RAD51B: variants seen among roughly 807,000 people sequenced by gnomAD.
The protein encoded by RAD51B is DNA repair protein RAD51 homolog 2.
A neutral mutation model predicts 42.2 loss-of-function variants in RAD51B; 38 were observed. The observed-to-expected ratio is 0.90, with a 90% CI of 0.70 to 1.18. The LOEUF (loss-of-function observed/expected upper bound fraction) is 1.18, where lower values mean the gene tolerates loss of function less well. Ranked by LOEUF, RAD51B falls within the 50% of genes most tolerant of loss-of-function variation. The pLI, the probability that RAD51B is intolerant of heterozygous loss-of-function variation, is 0.00. For synonymous variants in RAD51B, 154 were observed against 145.2 expected, an observed-to-expected ratio of 1.06 and a Z score of -0.43; for missense variants, 373 against 400.7, an observed-to-expected ratio of 0.93 and a Z score of 0.59.
intron 7 of RAD51B, among the ~76,000 whole-genome samples, chr14:67,928,411 T>A (rs2044604017): frequency 6.6e-6 from 1 of 152,154 alleles, no homozygotes; most frequent in Non-Finnish European, 1.5e-5. Context: ...AAACCATGTG[T>A]GCGGTGGCAA....
intron 7 of RAD51B, among the ~76,000 whole-genome samples, chr14:68,203,873 G>A (rs2140930795): frequency 6.6e-6 from 1 of 152,276 alleles, no homozygotes; most frequent in Non-Finnish European, 1.5e-5. Flanking sequence ...CTTTTCTTCT[G>A]CAGCTTTCTG....
At chr14:68,537,366 G>A (rs915484235) in intron 10 of RAD51B, among the ~76,000 whole-genome samples, 1 of 151,934 alleles carries the variant, frequency 6.6e-6, no homozygotes, top group African/African-American at 2.4e-5. Context: ...GGTCGTGGTG[G>A]CGGGCGCCTG....
rs530492312 is a variant in RAD51B at position 68,073,300 on chromosome 14, T to C, written c.756+186096T>C. On this transcript the variant is annotated intron_variant, in intron 7 of 10. Transcript: ENST00000471583. ...TTCCCTTCTTTGTCCTTTTTGATCA[T>C]TGTTGGTTTAAAGTCAGTTTTGTCT... Among the ~76,000 whole-genome samples the C allele has an allele frequency of 2.0e-5, 3 of 152,304 alleles. No homozygotes were observed. The South Asian group carries it at 6.2e-4, about 32-fold the overall frequency.
At chr14:68,471,701 A>AG (rs990130033) in intron 10 of RAD51B, among the ~76,000 whole-genome samples, 1 of 151,564 alleles carries the variant, frequency 6.6e-6, no homozygotes, top group Admixed American at 6.6e-5. Flanking sequence ...TGCAAAAAAA[A>AG]AAAAAAGGAA....
chr14:68,520,050 C>G (rs929931152), intron 10 of RAD51B, among the ~76,000 whole-genome samples: 1 of 152,174 alleles, frequency 6.6e-6, no homozygotes, highest in African/African-American at 2.4e-5. Context: ...GAAAACAGAG[C>G]TAGTTAGTAA....
chr14:67,917,386 C>G (rs2044188844), intron 7 of RAD51B, among the ~76,000 whole-genome samples: 1 of 152,090 alleles, frequency 6.6e-6, no homozygotes, highest in Non-Finnish European at 1.5e-5. Flanking sequence ...AAAGCAAGAG[C>G]AAGAGAGAGA....
chr14:68,594,567 A>C, exon 11 of RAD51B: 1 of 1,317,744 alleles, frequency 7.6e-7, no homozygotes, highest in Non-Finnish European at 1.0e-6. Context: ...AGCAGCTAGG[A>C]CTACAGATGT....
chr14:68,634,606 A>C (rs1360622144), intron 10 of RAD51B, among the ~76,000 whole-genome samples: 1 of 152,000 alleles, frequency 6.6e-6, no homozygotes, highest in Non-Finnish European at 1.5e-5. Flanking sequence ...GAGCCACCGA[A>C]ACCCTCCCAC....
At chr14:68,430,466 C>T (rs1268550210) in intron 9 of RAD51B, among the ~76,000 whole-genome samples, 9 of 152,144 alleles carry the variant, frequency 5.9e-5, no homozygotes, top group Non-Finnish European at 1.3e-4. Flanking sequence ...TCCTTCACAT[C>T]CCTTGGAAGT....
chr14:68,041,694 T>G (rs1240869927), intron 7 of RAD51B, among the ~76,000 whole-genome samples: 2 of 152,200 alleles, frequency 1.3e-5, no homozygotes, highest in African/African-American at 4.8e-5. Context: ...TACAGGCCTA[T>G]AGCTAATTCT....
At chr14:68,517,466 A>G (rs893581746) in intron 10 of RAD51B, among the ~76,000 whole-genome samples, 6 of 152,192 alleles carry the variant, frequency 3.9e-5, no homozygotes, top group African/African-American at 1.4e-4. Flanking sequence ...CAACACAGTG[A>G]AGAAGGCAAA....
intron 7 of RAD51B, among the ~76,000 whole-genome samples, chr14:67,967,723 C>A (rs1315115199): frequency 5.3e-5 from 8 of 152,150 alleles, no homozygotes; most frequent in Non-Finnish European, 1.0e-4. Flanking sequence ...CAGGGTATAG[C>A]TCCCCTCCTG....
chr14:68,046,725 G>C (rs936214416), intron 7 of RAD51B, among the ~76,000 whole-genome samples: 5 of 152,120 alleles, frequency 3.3e-5, no homozygotes, highest in African/African-American at 1.2e-4. Flanking sequence ...GACAGAGTGA[G>C]ACCCTGTCTC....
chr14:68,196,544 A>C (rs1439657803), intron 7 of RAD51B, among the ~76,000 whole-genome samples: 1 of 152,088 alleles, frequency 6.6e-6, no homozygotes, highest in Non-Finnish European at 1.5e-5. Flanking sequence ...GCCAATTGCT[A>C]TTATTCTATG....
chr14:68,346,433 A>C (rs1359919997), intron 8 of RAD51B, among the ~76,000 whole-genome samples: 3 of 152,216 alleles, frequency 2.0e-5, no homozygotes, highest in African/African-American at 4.8e-5. Flanking sequence ...ACAACCTGGG[A>C]ATCAACTTCC....
At chr14:68,353,290 G>A (rs2082827884) in intron 8 of RAD51B, among the ~76,000 whole-genome samples, 1 of 152,172 alleles carries the variant, frequency 6.6e-6, no homozygotes, top group Non-Finnish European at 1.5e-5. Context: ...GAAAAATAAA[G>A]TAATGCATTG....
chr14:68,678,969 C>T (rs1399428600), intron 11 of RAD51B, among the ~76,000 whole-genome samples: 1 of 152,126 alleles, frequency 6.6e-6, no homozygotes, highest in Admixed American at 6.5e-5. Context: ...CCACCTCTTC[C>T]CTTCTCCCTT....
chr14:68,662,574 G>A (rs1454576568), intron 11 of RAD51B, among the ~76,000 whole-genome samples: 1 of 152,310 alleles, frequency 6.6e-6, no homozygotes, highest in African/African-American at 2.4e-5. Flanking sequence ...AGCTGTCCCA[G>A]TGACACTGTC....
At chr14:68,540,209 A>G in intron 10 of RAD51B, 1 of 843,770 alleles carries the variant, frequency 1.2e-6, no homozygotes, top group Non-Finnish European at 1.4e-6. Flanking sequence ...GGATCTAGAG[A>G]ATTCAAATGA....
Sources: gnomAD v4.1 joint callset for allele counts (sites outside exome capture counted in the v4.1 genomes callset) on GRCh38, gnomAD v4.1.1 for gene constraint, MANE v1.5 for transcripts, NCBI Gene and HGNC (gene_info 2026-07-23, HGNC 2026-07-21) for gene names.